RBFOX3: variants seen among roughly 807,000 people sequenced by gnomAD.
RBFOX3 encodes RNA binding protein fox-1 homolog 3.
A neutral mutation model predicts 48.7 loss-of-function variants in RBFOX3; 17 were observed. That is an observed-to-expected ratio of 0.35 (90% confidence interval 0.24 to 0.52). RBFOX3 has a LOEUF of 0.52. RBFOX3 is among the 20% of genes least tolerant of loss of function. The pLI is 0.94. For synonymous variants in RBFOX3, 212 were observed against 209.5 expected, an observed-to-expected ratio of 1.01 and a Z score of -0.10; for missense variants, 382 against 497.5, an observed-to-expected ratio of 0.77 and a Z score of 2.21.
At chr17:79,117,035 G>T (rs1200373388) in intron 4 of RBFOX3, among the ~76,000 whole-genome samples, 5 of 152,230 alleles carry the variant, frequency 3.3e-5, no homozygotes, top group Non-Finnish European at 5.9e-5. Flanking sequence ...GAGGGCTGGG[G>T]TCTTTCACAG....
At chr17:79,227,302 T>C (rs552804392) in intron 4 of RBFOX3, among the ~76,000 whole-genome samples, 1 of 152,320 alleles carries the variant, frequency 6.6e-6, no homozygotes, top group South Asian at 2.1e-4. Flanking sequence ...AGGTTGGGCC[T>C]CAGTTTCGGA....
chr17:79,103,676 A>T lies in RBFOX3; in HGVS notation c.414+397T>A, dbSNP rs918799814. The stretch of plus-strand genomic sequence containing the variant: ...TCTCCACCCTCGGAGCCCAGGGTAG[A>T]GGGTCGTGCCTTCCTGGAAGGGGAG... On this transcript the variant is annotated intron_variant, in intron 7 of 14. Transcript: ENST00000693108. This position sits in a 1 kb window ranked among gnomAD's most constrained non-coding sequence, Gnocchi z 6.1. Among the ~76,000 whole-genome samples the T allele has an allele frequency of 6.6e-6, 1 of 152,088 alleles. No homozygotes were observed. Among genetic ancestry groups the T allele is most frequent in the East Asian group, 1.9e-4 (1 of 5,162 alleles).
In RBFOX3 at chr17:79,288,409, C is replaced by A. The variant is rs80014288; in HGVS notation, c.-74+19315G>T. Among the ~76,000 whole-genome samples the A allele has an allele frequency of 8.1e-4, 123 of 152,280 alleles. 2 individuals are homozygous for A. The East Asian group carries it at 0.022, about 28-fold the overall frequency. On this transcript the variant is annotated intron_variant, in intron 3 of 14. Coordinates refer to ENST00000693108, the MANE Select transcript of RBFOX3 (RefSeq NM_001350451.2). ...TCCCATGACTGGAGGAGTCTCCTGG[C>A]CTTCTTCTGCAGGCTGGACTTCCTG...
chr17:79,104,059 C>A lies in RBFOX3; in HGVS notation c.414+14G>T. On this transcript the variant is annotated intron_variant, in intron 7 of 14. Coordinates refer to ENST00000693108, the MANE Select transcript of RBFOX3 (RefSeq NM_001350451.2). ...AGCCGGCGCTGTAAGGCGGCAGCTC[C>A]GTGCGGCACCCACCTTGGAGCCCCG... The A allele has an allele frequency of 6.5e-7, 1 of 1,550,112 alleles. No homozygotes were observed. Among genetic ancestry groups the A allele is most frequent in the Non-Finnish European group, 8.7e-7 (1 of 1,146,144 alleles).
chr17:79,269,864 T>C (rs569650874), intron 3 of RBFOX3, among the ~76,000 whole-genome samples: 26 of 151,828 alleles, frequency 1.7e-4, no homozygotes, highest in African/African-American at 6.1e-4. Flanking sequence ...CTCATCCACC[T>C]GCAAACTCTC....
chr17:79,605,817 G>C (rs2093816485), intron 1 of RBFOX3, among the ~76,000 whole-genome samples: 1 of 152,188 alleles, frequency 6.6e-6, no homozygotes, highest in African/African-American at 2.4e-5. Context: ...AACTCAAGTT[G>C]ACGCCAGCAA....
At chr17:79,181,819 G>C (rs375044883) in intron 4 of RBFOX3, among the ~76,000 whole-genome samples, 3 of 152,126 alleles carry the variant, frequency 2.0e-5, no homozygotes, top group Admixed American at 1.3e-4. Context: ...GGGCCAGCTC[G>C]GAAGGTCCCA....
At chr17:79,261,147 A>G (rs952006879) in intron 3 of RBFOX3, among the ~76,000 whole-genome samples, 1 of 152,016 alleles carries the variant, frequency 6.6e-6, no homozygotes, top group Non-Finnish European at 1.5e-5. Context: ...TCGCTCCTCG[A>G]GCCCCCTACA....
intron 2 of RBFOX3, among the ~76,000 whole-genome samples, chr17:79,457,227 C>T (rs969367786): frequency 5.3e-5 from 8 of 152,158 alleles, no homozygotes; most frequent in South Asian, 2.1e-4. Flanking sequence ...GGTTGATGGT[C>T]GGACGGATGA....
intron 3 of RBFOX3, among the ~76,000 whole-genome samples, chr17:79,300,257 AT>A (rs1359742487): frequency 6.6e-6 from 1 of 152,088 alleles, no homozygotes; most frequent in Non-Finnish European, 1.5e-5. Flanking sequence ...GAGAGAAGAA[AT>A]TTCCATTGCT....
At chr17:79,657,661 A>G in the RBFOX3 span, among the ~76,000 whole-genome samples, 1 of 152,358 alleles carries the variant, frequency 6.6e-6, no homozygotes, top group Non-Finnish European at 1.5e-5. Flanking sequence ...CCTGGGTAAC[A>G]GAGCAAGACT....
At chr17:79,484,119 G>GTT (rs1398373364) in intron 1 of RBFOX3, among the ~76,000 whole-genome samples, 1 of 152,168 alleles carries the variant, frequency 6.6e-6, no homozygotes, top group Non-Finnish European at 1.5e-5. Context: ...GCTGAGCTGT[G>GTT]TCTCCCTGAA....
At chr17:79,632,010 C>T in the RBFOX3 span, among the ~76,000 whole-genome samples, 3 of 152,186 alleles carry the variant, frequency 2.0e-5, no homozygotes, top group Non-Finnish European at 2.9e-5. Context: ...TCCTGGCAGC[C>T]GATGTGCCGT....
At chr17:79,206,023 C>G (rs903901434) in intron 4 of RBFOX3, among the ~76,000 whole-genome samples, 25 of 152,122 alleles carry the variant, frequency 1.6e-4, no homozygotes, top group African/African-American at 5.6e-4. Context: ...AAATCAGGCT[C>G]ATTGAGCTAG....
intron 14 of RBFOX3, among the ~76,000 whole-genome samples, chr17:79,093,187 T>G (rs960607025): frequency 6.6e-6 from 1 of 152,138 alleles, no homozygotes; most frequent in Non-Finnish European, 1.5e-5. Flanking sequence ...CCCAGCCCTG[T>G]CCTACTGGGG....
intron 2 of RBFOX3, among the ~76,000 whole-genome samples, chr17:79,327,330 T>C (rs868347746): frequency 6.6e-6 from 1 of 152,352 alleles, no homozygotes; most frequent in South Asian, 2.1e-4. Flanking sequence ...TGGGGAGTCC[T>C]TGGCAACCTC....
chr17:79,194,497 C>G (rs796608719), intron 4 of RBFOX3, among the ~76,000 whole-genome samples: 3 of 151,736 alleles, frequency 2.0e-5, no homozygotes, highest in Admixed American at 1.3e-4. Flanking sequence ...TCCCAGCTAC[C>G]GGGGAGGCTG....
intron 3 of RBFOX3, among the ~76,000 whole-genome samples, chr17:79,266,954 TTGAGTTCTG>T: frequency 6.6e-6 from 1 of 152,274 alleles, no homozygotes; most frequent in African/African-American, 2.4e-5. Flanking sequence ...TGCCACTTTC[TTGAGTTCTG>T]TGAGATGTTC....
Position 79,611,038 on chromosome 17 carries a change from G to A in RBFOX3, c.-532C>T, listed in dbSNP as rs1333788638. ...TGGGGCCCGGCTGGGGCCGCTGTCC[G>A]AGGAGGTTCTGCTGGCTTCGGAGCA... On this transcript the variant is annotated 5_prime_UTR_variant, in exon 1 of 15. Transcript: ENST00000693108. 6.0e-5 allele frequency among the ~76,000 whole-genome samples: 9 copies of A among 151,188 alleles called. No individual in the cohort carries two copies. The highest frequency in any genetic ancestry group is 2.2e-4 in the African/African-American group (9 of 41,274).
Sources: allele counts gnomAD v4.1 joint callset (sites outside exome capture counted in the v4.1 genomes callset), GRCh38; gene constraint gnomAD v4.1.1; non-coding constraint Gnocchi (gnomAD v3.1); transcripts MANE v1.5; gene names NCBI Gene and HGNC (gene_info 2026-07-23, HGNC 2026-07-21).